The following SEZ6L2 variants were observed in gnomAD, a reference collection of about 807,000 sequenced individuals.
SEZ6L2 encodes the protein seizure related 6 homolog like 2.
A neutral mutation model predicts 97.0 loss-of-function variants in SEZ6L2; 44 were observed. The ratio of observed to expected loss-of-function variants is 0.45; its 90% CI spans 0.36 to 0.58. The LOEUF (loss-of-function observed/expected upper bound fraction) is 0.58. Ranked by LOEUF, SEZ6L2 falls within the 20% of genes least tolerant of loss-of-function variation. SEZ6L2 has a pLI of 0.00. For synonymous variants in SEZ6L2, 543 were observed against 546.1 expected (o/e 0.99, Z 0.08); for missense variants, 1,086 against 1,233.3 (o/e 0.88, Z 1.79).
Position 29,871,355 on chromosome 16 carries a change from G to A in SEZ6L2, c.*344C>T. The A allele has an allele frequency of 2.5e-6, 1 of 393,904 alleles. No individual in the cohort carries two copies. Among genetic ancestry groups the A allele is most frequent in the South Asian group, 3.1e-5 (1 of 32,632 alleles). 24.4% of individuals were successfully genotyped at this position (393,904 alleles called of 1,614,324 possible). On this transcript the variant is annotated 3_prime_UTR_variant, in exon 18 of 18. Transcript: ENST00000617533. ...GGGAGGGGGGCACCTTCGTGGCCAA[G>A]GGAACAGTAGAGCTATCGGGGGCAG...
chr16:29,884,174 T>C (rs759642117), intron 8 of SEZ6L2, among the ~76,000 whole-genome samples: 2 of 152,174 alleles, frequency 1.3e-5, no homozygotes, highest in Non-Finnish European at 2.9e-5. Context: ...TCCCTTCTCC[T>C]AGCTCAGTGA....
chr16:29,891,460 T>C (rs2068270760), intron 5 of SEZ6L2, among the ~76,000 whole-genome samples: 1 of 152,066 alleles, frequency 6.6e-6, no homozygotes, highest in Non-Finnish European at 1.5e-5. Context: ...GCCAATATGG[T>C]GAAACCCTGT....
intron 5 of SEZ6L2, among the ~76,000 whole-genome samples, chr16:29,893,884 T>C (rs1213573427): frequency 6.6e-6 from 1 of 152,166 alleles, no homozygotes; most frequent in Non-Finnish European, 1.5e-5. Context: ...GTTTGTTTGT[T>C]TTTGAGACAG....
In SEZ6L2 at chr16:29,878,572, T is replaced by TTTTA. The variant is rs1299090006; in HGVS notation, c.1574-151_1574-148dup. On this transcript the variant is annotated intron_variant, in intron 9 of 17. Transcript: ENST00000617533. The stretch of plus-strand genomic sequence containing the variant: ...TCCACCTGTTTCTTTTATTCTTTTA[T>TTTTA]TTTATTTATTTATTTATTTTTAAAT... 3.3e-5 allele frequency: 19 copies of TTTTA among 572,656 alleles called. No individual in the cohort carries two copies. In the South Asian group the frequency reaches 1.0e-3, roughly 31 times the overall value. The allele number at this position is 572,656 out of a possible 1,614,324, so 35.5% of individuals were successfully genotyped here.
intron 16 of SEZ6L2, 57 bp downstream of exon 16, chr16:29,872,352 A>G (rs1455940940): frequency 4.4e-6 from 7 of 1,601,534 alleles, no homozygotes; most frequent in Non-Finnish European, 1.7e-6. Context: ...CCCAGGCTCC[A>G]GTGCCAGGCT....
chr16:29,887,922 G>T (rs2068183403), intron 6 of SEZ6L2, 105 bp from the exon 7 acceptor site: 2 of 1,290,972 alleles, frequency 1.5e-6, no homozygotes, highest in Admixed American at 2.1e-5. Context: ...CATTTGGCTG[G>T]GACCCGGCCC....
chr16:29,887,575 G>A, intron 7 of SEZ6L2, 74 bp downstream of exon 7: 2 of 1,435,494 alleles, frequency 1.4e-6, no homozygotes, highest in Non-Finnish European at 1.9e-6. Flanking sequence ...GCCTCCCAAA[G>A]TACTGGGATT....
Position 29,897,955 on chromosome 16 carries a change from G to C in SEZ6L2, c.109C>G (p.Pro37Ala). ...GTGGGGGTCTCACTTCCAGGCTCTG[G>C]CAATATCTCCTCCTCCTTCAGGGGC... ...GLPLKEEEIL[P>A]EPGSETPTVA... Residue 37 changes from proline to alanine, a missense_variant, in exon 2 of 18, where the codon CCA becomes GCA. Coordinates refer to ENST00000617533, the MANE Select transcript of SEZ6L2 (RefSeq NM_001243332.2). 1 of 1,613,618 alleles carries C rather than the reference G, an allele frequency of 6.2e-7. No homozygotes were observed. The highest frequency in any genetic ancestry group is 8.5e-7 in the Non-Finnish European group (1 of 1,179,764).
intron 9 of SEZ6L2, among the ~76,000 whole-genome samples, chr16:29,879,610 C>T (rs1057393927): frequency 1.3e-5 from 2 of 152,206 alleles, no homozygotes; most frequent in Admixed American, 1.3e-4. Context: ...CACTCTCCAG[C>T]CTGCCCAATC....
In SEZ6L2 at chr16:29,876,751, C is replaced by A; in HGVS notation, c.2104+5G>T. 6.5e-7 allele frequency: 1 copy of A among 1,537,626 alleles called. No homozygotes were observed. On this transcript the variant is annotated splice_donor_5th_base_variant and intron_variant, in intron 12 of 17. Coordinates refer to ENST00000617533, the MANE Select transcript of SEZ6L2 (RefSeq NM_001243332.2). This position sits in a 1 kb window ranked among gnomAD's most constrained non-coding sequence, Gnocchi z 6.5. Reference sequence around the variant, plus strand: ...GCCGAGGGGACGCGGGCGGGGCCGGCTCACTCTTTTGGCAGGCGGGCGGCG... The same window carrying A: ...GCCGAGGGGACGCGGGCGGGGCCGGATCACTCTTTTGGCAGGCGGGCGGCG...
At chr16:29,887,070 A>G (rs897743241) in intron 7 of SEZ6L2, among the ~76,000 whole-genome samples, 3 of 151,778 alleles carry the variant, frequency 2.0e-5, no homozygotes, top group Non-Finnish European at 2.9e-5. Context: ...AATCCCAACT[A>G]ATCAGGAGGC....
intron 9 of SEZ6L2, 75 bp downstream of exon 9, chr16:29,879,789 G>A: frequency 1.5e-6 from 2 of 1,343,902 alleles, no homozygotes; most frequent in Non-Finnish European, 2.0e-6. Context: ...CTTCCTTTCT[G>A]AACGGCCTTG....
At position 29,888,663 on chromosome 16, in the gene SEZ6L2, G is replaced by T; in HGVS notation, c.916C>A (p.Leu306Met). Residue 306 changes from leucine (L) to methionine (M), a missense_variant, in exon 6 of 18, where the codon CTG becomes ATG. By Grantham distance (15) the Leu-to-Met change is conservative. Transcript: ENST00000617533. ...AAGGTGGCAGTGCCCCCAGGGTGCA[G>T]GTCCGTCACACTCACGTCCCCATGG... ...PAHGDVSVTD[L>M]HPGGTATFHC... 6.2e-7 allele frequency: 1 copy of T among 1,614,030 alleles called. No individual in the cohort carries two copies. The highest frequency in any genetic ancestry group is 8.5e-7 in the Non-Finnish European group (1 of 1,179,962).
chr16:29,873,236 G>T lies in SEZ6L2; in HGVS notation c.2488+4C>A. On this transcript the variant is annotated splice_donor_region_variant and intron_variant, in intron 14 of 17. Transcript: ENST00000617533. The surrounding 1 kb of genome is among the most constrained non-coding windows in gnomAD (Gnocchi z 4.3). ...TGCCCCTCCTGCCCTGTCTGGCCAG[G>T]CACCTTTGCAGAGTGGGGGCTGGCT... 6.2e-7 allele frequency: 1 copy of T among 1,613,624 alleles called. No individual in the cohort carries two copies.
chr16:29,888,933 C>T (rs570771136), intron 5 of SEZ6L2, among the ~76,000 whole-genome samples: 1 of 152,198 alleles, frequency 6.6e-6, no homozygotes, highest in East Asian at 1.9e-4. Context: ...TTATCTCCCC[C>T]ACTCATTGTA....
At chr16:29,895,047 C>T (rs757380094) in intron 5 of SEZ6L2, among the ~76,000 whole-genome samples, 7 of 151,872 alleles carry the variant, frequency 4.6e-5, no homozygotes, top group African/African-American at 9.7e-5. Context: ...GGCATGGTGG[C>T]GGGCGTCTGT....
rs757025552 is a variant in SEZ6L2 at position 29,873,342 on chromosome 16, G to A, written c.2386C>T (p.Arg796Cys). The A allele has an allele frequency of 3.7e-6, 6 of 1,614,124 alleles. No individual in the cohort carries two copies. The highest frequency in any genetic ancestry group is 2.2e-5 in the East Asian group (1 of 44,900). ...TCAAAGCCCTCATAGCAGAAGAAGC[G>A]CAGAGACTCGCCCGCCTGGTAGTGG... ...KHHYQAGESL[R>C]FFCYEGFELI... is the part of the protein sequence containing the mutation. Residue 796 changes from arginine to cysteine, a missense_variant, in exon 14 of 18, where the codon CGC becomes TGC. Physicochemically the swap from Arg to Cys is radical, Grantham distance 180. Around this residue, in one of 2 missense-constraint regions of SEZ6L2, gnomAD observed 310 missense variants for 438.6 expected, o/e 0.71. Coordinates refer to ENST00000617533, the MANE Select transcript of SEZ6L2 (RefSeq NM_001243332.2). This position sits in a 1 kb window ranked among gnomAD's most constrained non-coding sequence, Gnocchi z 4.3.
At chr16:29,887,236 C>A (rs1471824473) in intron 7 of SEZ6L2, among the ~76,000 whole-genome samples, 1 of 148,694 alleles carries the variant, frequency 6.7e-6, no homozygotes, top group African/African-American at 2.5e-5. Context: ...ATGCATATCT[C>A]AACCAGGATC....
chr16:29,898,068 C>T, intron 1 of SEZ6L2, 84 bp from the exon 2 acceptor site: 3 of 1,577,666 alleles, frequency 1.9e-6, no homozygotes, highest in Admixed American at 3.6e-5. Flanking sequence ...CTCTTCCTCC[C>T]TCCTCCATCA....
Sources: allele counts gnomAD v4.1 joint callset (sites outside exome capture counted in the v4.1 genomes callset), GRCh38; gene constraint gnomAD v4.1.1; regional missense constraint gnomAD v4.1.1; non-coding constraint Gnocchi (gnomAD v3.1); transcripts MANE v1.5; gene names NCBI Gene and HGNC (gene_info 2026-07-23, HGNC 2026-07-21).